VTI1A: variants seen among roughly 807,000 people sequenced by gnomAD.
VTI1A encodes the protein vesicle transport through interaction with t-SNAREs 1A, also known as vesicle transport through interaction with t-SNAREs homolog 1A.
A neutral mutation model predicts 34.9 loss-of-function variants in VTI1A; 22 were observed. The ratio of observed to expected loss-of-function variants is 0.63; its 90% CI spans 0.45 to 0.90. VTI1A has a LOEUF of 0.90. VTI1A is among the 40% of genes least tolerant of loss of function. The probability of loss-of-function intolerance (pLI) is 0.00; values close to 1 mark genes in which losing one functional copy is unlikely to be tolerated. For synonymous variants in VTI1A, 87 were observed against 97.3 expected (o/e 0.89, Z 0.62); for missense variants, 268 against 275.6 (o/e 0.97, Z 0.20).
chr10:112,625,405 G>C (rs1046302166), intron 5 of VTI1A, among the ~76,000 whole-genome samples: 1 of 152,116 alleles, frequency 6.6e-6, no homozygotes, highest in African/African-American at 2.4e-5. Context: ...TTGGGAGGCC[G>C]AGGCAGGTGG....
intron 7 of VTI1A, among the ~76,000 whole-genome samples, chr10:112,790,911 A>G (rs1177480349): frequency 1.3e-5 from 2 of 152,090 alleles, no homozygotes; most frequent in South Asian, 4.1e-4. Flanking sequence ...ATACCCTTGC[A>G]ATGAAAGACC....
intron 7 of VTI1A, among the ~76,000 whole-genome samples, chr10:112,726,956 A>G (rs1850051909): frequency 6.6e-6 from 1 of 152,194 alleles, no homozygotes; most frequent in South Asian, 2.1e-4. Flanking sequence ...TCATTCCGTG[A>G]CATCATAAAT....
intron 7 of VTI1A, among the ~76,000 whole-genome samples, chr10:112,710,499 G>A (rs145501096): frequency 6.6e-5 from 10 of 152,132 alleles, no homozygotes; most frequent in African/African-American, 1.4e-4. Context: ...GAGCCACCAC[G>A]CCCGGCTCAG....
At chr10:112,785,814 T>C (rs2134046270) in intron 7 of VTI1A, among the ~76,000 whole-genome samples, 1 of 152,336 alleles carries the variant, frequency 6.6e-6, no homozygotes, top group East Asian at 1.9e-4. Context: ...GTCTGTTTTG[T>C]TCCATTGAAC....
chr10:112,797,545 G>A (rs1852714597), intron 7 of VTI1A, among the ~76,000 whole-genome samples: 1 of 100,248 alleles, frequency 1.0e-5, no homozygotes, highest in South Asian at 4.5e-4. Flanking sequence ...GGCCATGAAA[G>A]GAGATTCAAG....
At chr10:112,778,801 C>T (rs995285932) in intron 7 of VTI1A, among the ~76,000 whole-genome samples, 1 of 152,148 alleles carries the variant, frequency 6.6e-6, no homozygotes, top group African/African-American at 2.4e-5. Context: ...TCTTATCAGA[C>T]ATTTTTTTGT....
At chr10:112,698,821 G>A (rs767781204) in intron 7 of VTI1A, among the ~76,000 whole-genome samples, 4 of 152,202 alleles carry the variant, frequency 2.6e-5, no homozygotes, top group Non-Finnish European at 4.4e-5. Context: ...CCAGAGGTTC[G>A]TTGGTGAGTA....
At chr10:112,490,324 G>A (rs1335318039) in intron 3 of VTI1A, among the ~76,000 whole-genome samples, 4 of 152,140 alleles carry the variant, frequency 2.6e-5, no homozygotes, top group East Asian at 1.9e-4. Flanking sequence ...TTGGCTCACC[G>A]GTTGGTTTAT....
At chr10:112,547,897 A>T (rs1162788793) in intron 5 of VTI1A, among the ~76,000 whole-genome samples, 1 of 152,124 alleles carries the variant, frequency 6.6e-6, no homozygotes, top group East Asian at 1.9e-4. Flanking sequence ...TTTTGAAGAA[A>T]AGCAATCAAT....
At chr10:112,497,500 G>C (rs562349655) in intron 3 of VTI1A, among the ~76,000 whole-genome samples, 1 of 152,130 alleles carries the variant, frequency 6.6e-6, no homozygotes. Context: ...ATTGTGAAGA[G>C]TAAATTAACA....
chr10:112,846,554 C>T, the VTI1A span, among the ~76,000 whole-genome samples: 1 of 152,044 alleles, frequency 6.6e-6, no homozygotes, highest in Non-Finnish European at 1.5e-5. Flanking sequence ...ATCAACAGGT[C>T]AGGAGATCAA....
downstream of VTI1A, among the ~76,000 whole-genome samples, chr10:112,819,841 C>T (rs1037990123): frequency 2.0e-5 from 3 of 152,190 alleles, no homozygotes; most frequent in Admixed American, 2.0e-4. Context: ...ATGGAAGCCA[C>T]CCTCAGAGGC....
intron 5 of VTI1A, among the ~76,000 whole-genome samples, chr10:112,579,359 T>C (rs1451176203): frequency 2.0e-5 from 3 of 152,120 alleles, no homozygotes; most frequent in Non-Finnish European, 2.9e-5. Context: ...GATAAGAAAA[T>C]ATAGTGTCAT....
chr10:112,669,164 G>T (rs1165993784), intron 7 of VTI1A, among the ~76,000 whole-genome samples, 166 bp downstream of exon 7: 1 of 152,144 alleles, frequency 6.6e-6, no homozygotes, highest in Non-Finnish European at 1.5e-5. Flanking sequence ...CTCTTGTTTG[G>T]ACAGGGACAC....
chr10:112,656,643 A>T (rs1401697015), intron 5 of VTI1A, among the ~76,000 whole-genome samples: 1 of 149,246 alleles, frequency 6.7e-6, no homozygotes, highest in East Asian at 2.0e-4. Flanking sequence ...TGCTGAGATT[A>T]TAGGCATGAG....
At chr10:112,844,168 G>A in the VTI1A span, among the ~76,000 whole-genome samples, 2 of 152,042 alleles carry the variant, frequency 1.3e-5, no homozygotes, top group Admixed American at 1.3e-4. Context: ...TAAACAAAAG[G>A]CCCCCCTGGA....
At chr10:112,623,798 C>A (rs1328577252) in intron 5 of VTI1A, among the ~76,000 whole-genome samples, 1 of 152,160 alleles carries the variant, frequency 6.6e-6, no homozygotes, top group African/African-American at 2.4e-5. Context: ...TGATTAACAA[C>A]CTCGGCACTG....
At chr10:112,563,134 A>G (rs1851784865) in intron 5 of VTI1A, among the ~76,000 whole-genome samples, 1 of 152,232 alleles carries the variant, frequency 6.6e-6, no homozygotes, top group Non-Finnish European at 1.5e-5. Context: ...AATTTTAATC[A>G]GTTAAAAAAG....
rs527587415 is a variant in VTI1A at position 112,817,360 on chromosome 10, A to G, written c.*1977A>G. On this transcript the variant is annotated 3_prime_UTR_variant, in exon 8 of 8. Coordinates refer to ENST00000393077, the MANE Select transcript of VTI1A (RefSeq NM_145206.4). The stretch of plus-strand genomic sequence containing the variant: ...ATCATCTAAACTGGCCGCCTCCTGA[A>G]TATTTCACTGAATCCTGGCGTTCAT... 8.6e-6 allele frequency: 2 copies of G among 232,506 alleles called. No individual in the cohort carries two copies. The highest frequency in any genetic ancestry group is 2.2e-5 in the African/African-American group (1 of 45,440). 14.4% of individuals were successfully genotyped at this position (232,506 alleles called of 1,614,324 possible). A position where few individuals can be genotyped will look rare whatever the true frequency, so the allele number is the denominator to read the frequency against.
Sources: gnomAD v4.1 joint callset for allele counts (sites outside exome capture counted in the v4.1 genomes callset) on GRCh38, gnomAD v4.1.1 for gene constraint, MANE v1.5 for transcripts, NCBI Gene and HGNC (gene_info 2026-07-23, HGNC 2026-07-21) for gene names.